The following NR1H4 variants were observed in gnomAD, a reference collection of about 807,000 sequenced individuals.
NR1H4 encodes the protein nuclear receptor subfamily 1 group H member 4.
NR1H4 carries 23 observed loss-of-function variants against 58.5 expected under a neutral mutation model. The observed-to-expected ratio is 0.39, with a 90% CI of 0.28 to 0.56. The LOEUF (loss-of-function observed/expected upper bound fraction) is 0.56. Ranked by LOEUF, NR1H4 falls within the 20% of genes least tolerant of loss-of-function variation. The pLI is 0.58. For synonymous variants in NR1H4, 214 were observed against 198.0 expected, an observed-to-expected ratio of 1.08 and a Z score of -0.68; for missense variants, 487 against 576.9, an observed-to-expected ratio of 0.84 and a Z score of 1.60.
chr12:100,544,170 T>G (rs1406456454), intron 9 of NR1H4, among the ~76,000 whole-genome samples: 3 of 145,088 alleles, frequency 2.1e-5, no homozygotes, highest in Non-Finnish European at 4.4e-5. Context: ...GAGAATGGCG[T>G]GAACCCAGGA....
intron 4 of NR1H4, among the ~76,000 whole-genome samples, chr12:100,531,024 G>A (rs1183949945): frequency 1.3e-5 from 2 of 152,194 alleles, no homozygotes; most frequent in Non-Finnish European, 2.9e-5. Flanking sequence ...CCATTATGGG[G>A]TTATCTTAGG....
At chr12:100,539,013 T>A (rs1192524862) in intron 8 of NR1H4, among the ~76,000 whole-genome samples, 1 of 152,212 alleles carries the variant, frequency 6.6e-6, no homozygotes, top group East Asian at 1.9e-4. Context: ...GGGAAGAGAT[T>A]TTTTAAGTTC....
intron 3 of NR1H4, chr12:100,505,864 A>G (rs1212683699): frequency 2.4e-6 from 1 of 410,198 alleles, no homozygotes; most frequent in African/African-American, 2.1e-5. Context: ...TTACTTGTTT[A>G]CTTATTTTTG....
intron 1 of NR1H4, among the ~76,000 whole-genome samples, chr12:100,478,876 T>C (rs1259620843): frequency 1.3e-5 from 2 of 152,246 alleles, no homozygotes; most frequent in Non-Finnish European, 2.9e-5. Context: ...TATGTGAGAA[T>C]GCATATTTTC....
chr12:100,509,915 GCACACACACACA>G (rs139809053), intron 3 of NR1H4, among the ~76,000 whole-genome samples: 1 of 131,632 alleles, frequency 7.6e-6, no homozygotes, highest in East Asian at 3.4e-4. Context: ...GCACGTGCGC[GCACACACACACA>G]CACACACACA....
At chr12:100,550,169 C>T (rs1466337373) in intron 9 of NR1H4, among the ~76,000 whole-genome samples, 2 of 152,048 alleles carry the variant, frequency 1.3e-5, no homozygotes, top group African/African-American at 2.4e-5. Context: ...GGCTTTAGAA[C>T]GTATATCTGA....
At chr12:100,487,694 C>T (rs1301549590) in intron 1 of NR1H4, among the ~76,000 whole-genome samples, 1 of 150,858 alleles carries the variant, frequency 6.6e-6, no homozygotes, top group East Asian at 2.0e-4. Flanking sequence ...TTACTGCAAC[C>T]TCTGCCTCCC....
intron 3 of NR1H4, among the ~76,000 whole-genome samples, chr12:100,493,890 G>T (rs925294209): frequency 2.6e-5 from 4 of 152,074 alleles, no homozygotes; most frequent in African/African-American, 9.7e-5. Flanking sequence ...AGGACAAATT[G>T]TACTAAGCAG....
At chr12:100,529,072 T>TATTGA (rs1488684391) in intron 4 of NR1H4, among the ~76,000 whole-genome samples, 1 of 152,212 alleles carries the variant, frequency 6.6e-6, no homozygotes. Context: ...TCAACACTGA[T>TATTGA]CTGCAGCACA....
intron 1 of NR1H4, among the ~76,000 whole-genome samples, chr12:100,487,199 A>T (rs559472116): frequency 1.3e-5 from 2 of 152,316 alleles, no homozygotes; most frequent in African/African-American, 4.8e-5. Context: ...TAAAGGTATG[A>T]TGAGAAAAGC....
In NR1H4 at chr12:100,563,635, C is replaced by T; in HGVS notation, c.*146C>T. 1.4e-6 allele frequency: 1 copy of T among 719,404 alleles called. No individual in the cohort carries two copies. The highest frequency in any genetic ancestry group is 1.7e-5 in the South Asian group (1 of 59,250). The allele number at this position is 719,404 out of a possible 1,614,324, so 44.6% of individuals were successfully genotyped here. On this transcript the variant is annotated 3_prime_UTR_variant, in exon 11 of 11. Transcript: ENST00000392986. ...GTAATTACATGTGTAACTTCCACAA[C>T]TGTAAATATTGGGCTAGATAGAACA...
intron 4 of NR1H4, among the ~76,000 whole-genome samples, chr12:100,521,844 T>C (rs926599455): frequency 2.0e-5 from 3 of 152,192 alleles, no homozygotes; most frequent in Non-Finnish European, 4.4e-5. Context: ...TTTATACAAT[T>C]TAATAATGAT....
At chr12:100,477,884 T>A (rs1298503565) in intron 1 of NR1H4, among the ~76,000 whole-genome samples, 1 of 152,220 alleles carries the variant, frequency 6.6e-6, no homozygotes, top group Non-Finnish European at 1.5e-5. Context: ...GTCCCGACTC[T>A]GAATCTGAGG....
At chr12:100,506,194 CTTTAGGAAACATGTCT>C (rs1299580340) in intron 3 of NR1H4, among the ~76,000 whole-genome samples, 1 of 152,116 alleles carries the variant, frequency 6.6e-6, no homozygotes, top group Admixed American at 6.5e-5. Flanking sequence ...TTGCTAGGTT[CTTTAGGAAACATGTCT>C]TTTAATGACA....
At position 100,521,631 on chromosome 12, in the gene NR1H4, A is replaced by AT. The variant is rs138980073; in HGVS notation, c.445+10493dup. 0.012 allele frequency among the ~76,000 whole-genome samples: 1,815 copies of AT among 152,254 alleles called. 113 individuals carry two copies. In the East Asian group the frequency reaches 0.15, roughly 12 times the overall value. On this transcript the variant is annotated intron_variant, in intron 4 of 10. Coordinates refer to ENST00000392986, the MANE Select transcript of NR1H4 (RefSeq NM_001206979.2). Reference sequence around the variant, plus strand: ...GTGACCCTACTGCCTTTCTGAATATATTTTTGTGTAGGATTGTGAACCAGC... The same window carrying AT: ...GTGACCCTACTGCCTTTCTGAATATATTTTTTGTGTAGGATTGTGAACCAGC...
rs147804523 is a variant in NR1H4 at position 100,557,255 on chromosome 12, A to G, written c.1079-4630A>G. Among the ~76,000 whole-genome samples, 722 of 111,466 alleles carry G rather than the reference A, an allele frequency of 6.5e-3. 5 individuals carry two copies. The highest frequency in any genetic ancestry group is 0.02 in the African/African-American group (646 of 32,900). 73.1% of individuals were successfully genotyped at this position (111,466 alleles called of 152,430 possible). A position where few individuals can be genotyped will look rare whatever the true frequency, so the allele number is the denominator to read the frequency against. ...TACTCATGGTGGAAGGTGAAGGGGG[A>G]GCAGGCATGTCACATGGTGAGACAG... is the stretch of plus-strand genomic sequence containing the variant. On this transcript the variant is annotated intron_variant, in intron 9 of 10. Coordinates refer to ENST00000392986, the MANE Select transcript of NR1H4 (RefSeq NM_001206979.2).
chr12:100,560,444 G>A (rs1359965040), intron 9 of NR1H4, among the ~76,000 whole-genome samples: 1 of 152,138 alleles, frequency 6.6e-6, no homozygotes, highest in African/African-American at 2.4e-5. Flanking sequence ...AACCCAGCGA[G>A]ACCACGAGCC....
At chr12:100,542,610 T>C (rs1954964114) in intron 9 of NR1H4, among the ~76,000 whole-genome samples, 1 of 152,234 alleles carries the variant, frequency 6.6e-6, no homozygotes, top group South Asian at 2.1e-4. Flanking sequence ...CAGGATGTTT[T>C]CTTTCTAAAG....
At chr12:100,559,672 A>T (rs1955418713) in intron 9 of NR1H4, among the ~76,000 whole-genome samples, 1 of 152,104 alleles carries the variant, frequency 6.6e-6, no homozygotes, top group Non-Finnish European at 1.5e-5. Flanking sequence ...CACCCACTCC[A>T]TGGGCTCCTG....
Sources: gnomAD v4.1 joint callset for allele counts (sites outside exome capture counted in the v4.1 genomes callset) on GRCh38, gnomAD v4.1.1 for gene constraint, MANE v1.5 for transcripts, NCBI Gene and HGNC (gene_info 2026-07-23, HGNC 2026-07-21) for gene names.